The following UGT1A5 variants were observed in gnomAD, a reference collection of about 807,000 sequenced individuals.
UGT1A5 encodes the protein UDP glucuronosyltransferase family 1 member A5, also known as UDP-glucuronosyltransferase 1A5.
UGT1A5 carries 29 observed loss-of-function variants against 40.3 expected under a neutral mutation model. That is an observed-to-expected ratio of 0.72 (90% confidence interval 0.54 to 0.98). The LOEUF (loss-of-function observed/expected upper bound fraction) is 0.98. Among genes scored for constraint, UGT1A5 ranks in the 50% least tolerant of loss-of-function variants. The pLI is 0.00. For synonymous variants in UGT1A5, 257 were observed against 262.5 expected, an observed-to-expected ratio of 0.98 and a Z score of 0.20; for missense variants, 678 against 677.9, an observed-to-expected ratio of 1.00 and a Z score of 0.00.
chr2:233,746,130 T>A (rs757715130), intron 1 of UGT1A5, among the ~76,000 whole-genome samples: 6 of 151,866 alleles, frequency 4.0e-5, no homozygotes, highest in Non-Finnish European at 8.8e-5. Context: ...AACTGTGGAC[T>A]GGCACCTGAG....
intron 1 of UGT1A5, among the ~76,000 whole-genome samples, chr2:233,727,711 C>T (rs1575572304): frequency 1.3e-5 from 2 of 152,204 alleles, no homozygotes; most frequent in East Asian, 3.8e-4. Context: ...TTCCCAAAGC[C>T]CTTGCAGACC....
At chr2:233,761,914 T>C (rs28900396) in intron 1 of UGT1A5, among the ~76,000 whole-genome samples, 9,111 of 152,302 alleles carry the variant, frequency 0.06, 854 homozygotes, top group African/African-American at 0.21. Flanking sequence ...GAGGATCTAC[T>C]GGCAGCCCAG....
At chr2:233,730,719 C>T (rs141253229) in intron 1 of UGT1A5, among the ~76,000 whole-genome samples, 4 of 152,168 alleles carry the variant, frequency 2.6e-5, no homozygotes, top group Non-Finnish European at 4.4e-5. Flanking sequence ...CTGAAATTAT[C>T]AAGAAATGGC....
At position 233,713,364 on chromosome 2, in the gene UGT1A5, C is replaced by CT; in HGVS notation, c.373_374insT (p.His125LeufsTer2). ...TATGAACAATATGTCTTTGATCATA[C>CT]ATAGGTCTTGTGTGGAGCTACTGCA... On this transcript the variant is annotated frameshift_variant, in exon 1 of 5. Transcript: ENST00000373414. LOFTEE classifies it high-confidence loss of function. 6.2e-7 allele frequency: 1 copy of CT among 1,614,158 alleles called. No homozygotes were observed. Among genetic ancestry groups the CT allele is most frequent in the South Asian group, 1.1e-5 (1 of 91,074 alleles).
chr2:233,724,329 G>A (rs1291101719), intron 1 of UGT1A5, among the ~76,000 whole-genome samples: 36 of 143,834 alleles, frequency 2.5e-4, no homozygotes, highest in African/African-American at 9.0e-4. Context: ...GGCTGGCCAG[G>A]CGGGGGGCTG....
intron 4 of UGT1A5, 111 bp from the exon 5 acceptor site, chr2:233,772,151 C>T (rs1700473345): frequency 1.3e-6 from 2 of 1,555,904 alleles, no homozygotes; most frequent in Non-Finnish European, 8.7e-7. Context: ...AACAGGTTTC[C>T]TTTCCCAAGT....
intron 4 of UGT1A5, chr2:233,770,280 A>G (rs889485504): frequency 6.6e-6 from 1 of 152,192 alleles, no homozygotes; most frequent in Non-Finnish European, 1.5e-5. Context: ...CACAAAATAA[A>G]AAGAAGTGGA....
chr2:233,749,702 A>G (rs7556792), intron 1 of UGT1A5, among the ~76,000 whole-genome samples: 1 of 151,694 alleles, frequency 6.6e-6, no homozygotes, highest in African/African-American at 2.4e-5. Context: ...GTGGGAGGTG[A>G]TTGGATCATG....
intron 1 of UGT1A5, among the ~76,000 whole-genome samples, chr2:233,738,155 C>A (rs1206692436): frequency 1.3e-5 from 2 of 152,160 alleles, no homozygotes; most frequent in Non-Finnish European, 2.9e-5. Context: ...GCAAGCTATT[C>A]CTCTTTCTCT....
At chr2:233,714,301 A>G (rs45600634) in intron 1 of UGT1A5, among the ~76,000 whole-genome samples, 30 of 152,200 alleles carry the variant, frequency 2.0e-4, no homozygotes, top group African/African-American at 6.8e-4. Flanking sequence ...CCATCTTGCA[A>G]AAGATAGAGA....
intron 1 of UGT1A5, chr2:233,747,954 C>A: frequency 4.3e-6 from 7 of 1,613,446 alleles, no homozygotes; most frequent in Middle Eastern, 1.7e-4. Flanking sequence ...AGTGGTGGAT[C>A]TTCTCAGCCA....
At chr2:233,755,297 A>G in intron 1 of UGT1A5, 2 of 623,206 alleles carry the variant, frequency 3.2e-6, no homozygotes, top group East Asian at 6.1e-5. Context: ...CCTGCGGGGC[A>G]CTGGCACAGC....
At chr2:233,747,099 C>T (rs1382470135) in intron 1 of UGT1A5, 1 of 1,328,162 alleles carries the variant, frequency 7.5e-7, no homozygotes, top group African/African-American at 1.5e-5. Context: ...ACTCTATCTT[C>T]CAATTACATG....
intron 1 of UGT1A5, chr2:233,729,158 G>C (rs771653845): frequency 4.5e-5 from 73 of 1,613,350 alleles, no homozygotes; most frequent in Middle Eastern, 1.8e-4. Flanking sequence ...CCCCTGCCGT[G>C]GCTGGCCACA....
intron 1 of UGT1A5, among the ~76,000 whole-genome samples, chr2:233,759,843 C>CA (rs1240131722): frequency 1.3e-5 from 2 of 152,184 alleles, no homozygotes; most frequent in African/African-American, 4.8e-5. Flanking sequence ...GGCACTCTTA[C>CA]AGGTTTCCAT....
rs1491042837 is a variant in UGT1A5 at position 233,757,562 on chromosome 2, G to GTATATATATATATATATATA, written c.868-9465_868-9464insATATATATATATATATATAT. On this transcript the variant is annotated intron_variant, in intron 1 of 4. Coordinates refer to ENST00000373414, the MANE Select transcript of UGT1A5 (RefSeq NM_019078.2). ...TATATATATATATATATATATATAT[G>GTATATATATATATATATATA]TATATATGATATAGCTATAGTCTAA... 3.3e-5 allele frequency among the ~76,000 whole-genome samples: 3 copies of GTATATATATATATATATATA among 90,870 alleles called. 1 individual carries two copies. The highest frequency in any genetic ancestry group is 1.5e-4 in the African/African-American group (3 of 19,494). The allele number at this position is 90,870 out of a possible 152,430, so 59.6% of individuals were successfully genotyped here. A position where few individuals can be genotyped will look rare whatever the true frequency, so the allele number is the denominator to read the frequency against.
chr2:233,740,668 G>A (rs1267064015), intron 1 of UGT1A5: 1 of 151,782 alleles, frequency 6.6e-6, no homozygotes, highest in Non-Finnish European at 1.5e-5. Context: ...GAAGGTACAG[G>A]TGTTTCCATG....
Position 233,743,999 on chromosome 2 carries a change from G to A in UGT1A5, c.868-23035G>A, listed in dbSNP as rs981482683. On this transcript the variant is annotated intron_variant, in intron 1 of 4. Coordinates refer to ENST00000373414, the MANE Select transcript of UGT1A5 (RefSeq NM_019078.2). The stretch of plus-strand genomic sequence containing the variant: ...CACCCAGGCGCAGGCCCGAGTGCTC[G>A]GAGACCTGGGCCGCCTGGAGAGACG... The A allele has an allele frequency of 1.1e-4, 135 of 1,220,038 alleles. 4 individuals carry two copies. The African/African-American group carries it at 1.5e-3, about 14-fold the overall frequency. The allele number at this position is 1,220,038 out of a possible 1,614,324, so 75.6% of individuals were successfully genotyped here. A position where few individuals can be genotyped will look rare whatever the true frequency, so the allele number is the denominator to read the frequency against.
intron 1 of UGT1A5, among the ~76,000 whole-genome samples, chr2:233,730,418 A>G (rs1198959382): frequency 2.0e-5 from 3 of 152,174 alleles, no homozygotes; most frequent in Non-Finnish European, 4.4e-5. Context: ...TGACATGATA[A>G]TTTTTAGTTG....
Sources: allele counts gnomAD v4.1 joint callset (sites outside exome capture counted in the v4.1 genomes callset), GRCh38; gene constraint gnomAD v4.1.1; transcripts MANE v1.5; gene names NCBI Gene and HGNC (gene_info 2026-07-23, HGNC 2026-07-21).